Variants in MID1 observed in about 807,000 individuals in gnomAD.
The protein encoded by MID1 is midline 1.
In MID1, 7 loss-of-function variants were observed where a neutral mutation model predicts 40.4. That is an observed-to-expected ratio of 0.17 (90% confidence interval 0.10 to 0.33). The LOEUF is 0.33. Among genes scored for constraint, MID1 ranks in the 10% least tolerant of loss-of-function variants. MID1 has a pLI of 1.00. For missense variants in MID1, 367 were observed against 558.5 expected, an observed-to-expected ratio of 0.66 and a Z score of 3.46; for synonymous variants, 229 against 221.2, an observed-to-expected ratio of 1.04 and a Z score of -0.31.
chrX:10,823,550 A>G (rs2044193028), intron 1 of MID1, among the ~76,000 whole-genome samples: 1 of 111,877 alleles, frequency 8.9e-6, no homozygotes, highest in African/African-American at 3.2e-5. Context: ...CAAAAAAAGT[A>G]AAAAATAATT....
chrX:10,703,894 G>A (rs2043208957), intron 1 of MID1, among the ~76,000 whole-genome samples: 1 of 111,664 alleles, frequency 9.0e-6, no homozygotes, highest in Admixed American at 9.5e-5. Flanking sequence ...CTTTTTCTTC[G>A]AAAATCAACA....
rs147308138 is a variant in MID1 at position 10,744,820 on chromosome X, A to C, written c.-187+88734T>G. 8.2e-3 allele frequency among the ~76,000 whole-genome samples: 914 copies of C among 112,015 alleles called. 9 individuals carry two copies. Among genetic ancestry groups the C allele is most frequent in the African/African-American group, 0.029 (881 of 30,762 alleles). ...TTTCCAGAGGGGTCTGCCAGTGAGA[A>C]TCCAAACACTCCCACCAAAACCCAC... On this transcript the variant is annotated intron_variant, in intron 1 of 10. Coordinates refer to the MID1 transcript ENST00000380785.
At chrX:10,585,821 TTCTGCCATATAGCC>T (rs1202204499) in intron 1 of MID1, among the ~76,000 whole-genome samples, 1 of 111,851 alleles carries the variant, frequency 8.9e-6, no homozygotes, top group Non-Finnish European at 1.9e-5. Context: ...TGTACTTATT[TTCTGCCATATAGCC>T]TCTTTCTTAA....
intron 1 of MID1, among the ~76,000 whole-genome samples, chrX:10,651,648 C>T (rs1330454501): frequency 8.9e-6 from 1 of 112,189 alleles, no homozygotes; most frequent in Non-Finnish European, 1.9e-5. Context: ...TTTTTTGAGA[C>T]AGGGTCTCGC....
intron 3 of MID1, among the ~76,000 whole-genome samples, chrX:10,496,072 T>A (rs1569068919): frequency 2.7e-5 from 3 of 111,715 alleles, no homozygotes; most frequent in African/African-American, 9.8e-5. Context: ...AAAAGTAAGT[T>A]AAAAAAAATC....
chrX:10,692,589 C>T (rs1172834447), intron 1 of MID1, among the ~76,000 whole-genome samples: 1 of 110,442 alleles, frequency 9.1e-6, no homozygotes, highest in Non-Finnish European at 1.9e-5. Context: ...TGAACTCCAG[C>T]CCGGGCAACA....
At chrX:10,771,434 A>C (rs971348061) in intron 1 of MID1, among the ~76,000 whole-genome samples, 16 of 110,376 alleles carry the variant, frequency 1.4e-4, no homozygotes, top group Admixed American at 3.9e-4. Flanking sequence ...GGATTTTTTC[A>C]ATTTCTTCTG....
chrX:10,781,907 C>G (rs764970284), intron 1 of MID1, among the ~76,000 whole-genome samples: 1 of 112,236 alleles, frequency 8.9e-6, no homozygotes, highest in African/African-American at 3.2e-5. Flanking sequence ...CATTGGATTG[C>G]TCGAAAATCA....
At chrX:10,578,210 G>T (rs1242837242) in intron 1 of MID1, among the ~76,000 whole-genome samples, 2 of 112,504 alleles carry the variant, frequency 1.8e-5, no homozygotes, top group Non-Finnish European at 3.8e-5. Flanking sequence ...ATGAATAAAA[G>T]GATTACTCAA....
At chrX:10,757,462 C>G (rs2043639245) in intron 1 of MID1, among the ~76,000 whole-genome samples, 1 of 112,026 alleles carries the variant, frequency 8.9e-6, no homozygotes, top group African/African-American at 3.2e-5. Flanking sequence ...TGTGCAAGAT[C>G]AATGGGATGG....
intron 2 of MID1, among the ~76,000 whole-genome samples, chrX:10,547,605 A>AGGGAGGGAGAG: frequency 1.0e-5 from 1 of 95,450 alleles, no homozygotes; most frequent in African/African-American, 4.7e-5. Context: ...GGAAGGAAAG[A>AGGGAGGGAGAG]AGGGAGGGTA....
At chrX:10,636,417 A>T (rs1211353110) in intron 1 of MID1, among the ~76,000 whole-genome samples, 1 of 110,926 alleles carries the variant, frequency 9.0e-6, no homozygotes, top group African/African-American at 3.3e-5. Flanking sequence ...CATCTTCTCC[A>T]AACAGCAGAC....
chrX:10,469,932 T>A, intron 6 of MID1, 92 bp from the exon 7 acceptor site: 1 of 847,856 alleles, frequency 1.2e-6, no homozygotes, highest in Non-Finnish European at 1.7e-6. Flanking sequence ...CAGGTCCTTC[T>A]CAATAGGTCC....
At chrX:10,796,889 G>A (rs1367148757) in intron 1 of MID1, among the ~76,000 whole-genome samples, 1 of 111,261 alleles carries the variant, frequency 9.0e-6, no homozygotes, top group Non-Finnish European at 1.9e-5. Flanking sequence ...TACGAACTTA[G>A]TTTAGGAGAA....
At chrX:10,763,221 T>A (rs1481136155) in intron 1 of MID1, among the ~76,000 whole-genome samples, 1 of 109,664 alleles carries the variant, frequency 9.1e-6, no homozygotes, top group Non-Finnish European at 1.9e-5. Context: ...CGTGCAGGTT[T>A]GTTACATATG....
intron 1 of MID1, among the ~76,000 whole-genome samples, chrX:10,668,144 T>C (rs2042962154): frequency 8.9e-6 from 1 of 111,773 alleles, no homozygotes; most frequent in Non-Finnish European, 1.9e-5. Context: ...ATACAAAGAG[T>C]TATAAACAGA....
intron 1 of MID1, among the ~76,000 whole-genome samples, chrX:10,772,798 A>C (rs2147127742): frequency 9.1e-6 from 1 of 110,494 alleles, no homozygotes; most frequent in South Asian, 3.8e-4. Flanking sequence ...ATATCTGTAC[A>C]TATATGTATA....
At chrX:10,762,411 C>A (rs7061139) in intron 1 of MID1, among the ~76,000 whole-genome samples, 4,087 of 110,853 alleles carry the variant, frequency 0.037, 167 homozygotes, top group African/African-American at 0.12. Context: ...CAAGTTTCAT[C>A]TTATGGACAC....
intron 1 of MID1, among the ~76,000 whole-genome samples, chrX:10,583,258 A>G (rs771096582): frequency 6.2e-5 from 7 of 112,466 alleles, no homozygotes; most frequent in Non-Finnish European, 1.3e-4. Flanking sequence ...AACATTTCAA[A>G]GACTCATACA....
Sources: allele counts gnomAD v4.1 joint callset (sites outside exome capture counted in the v4.1 genomes callset), GRCh38; gene constraint gnomAD v4.1.1; transcripts MANE v1.5; gene names NCBI Gene and HGNC (gene_info 2026-07-23, HGNC 2026-07-21).